The following BRDT variants were observed in gnomAD, a reference collection of about 807,000 sequenced individuals.
BRDT encodes the protein bromodomain testis-specific protein.
A neutral mutation model predicts 113.9 loss-of-function variants in BRDT; 77 were observed. The ratio of observed to expected loss-of-function variants is 0.68; its 90% confidence interval spans 0.56 to 0.82. The LOEUF (loss-of-function observed/expected upper bound fraction) is 0.82. Ranked by LOEUF, BRDT falls within the 40% of genes least tolerant of loss-of-function variation. The pLI is 0.00. For missense variants in BRDT, 1,027 were observed against 1,105.4 expected (o/e 0.93, Z 1.01); for synonymous variants, 358 against 366.5 (o/e 0.98, Z 0.26).
intron 1 of BRDT, among the ~76,000 whole-genome samples, chr1:91,956,313 C>G (rs1405438857): frequency 2.0e-5 from 3 of 151,624 alleles, no homozygotes; most frequent in African/African-American, 7.3e-5. Context: ...TCCTGCCCCC[C>G]CCCACCCCCT....
intron 7 of BRDT, among the ~76,000 whole-genome samples, chr1:91,978,504 T>G (rs189593147): frequency 1.7e-3 from 265 of 152,334 alleles, no homozygotes; most frequent in Non-Finnish European, 3.4e-3. Context: ...TTCGTTTTGT[T>G]TTTTTGAGTT....
intron 18 of BRDT, among the ~76,000 whole-genome samples, chr1:92,012,299 A>G (rs564879177): frequency 9.2e-5 from 11 of 120,116 alleles, no homozygotes; most frequent in East Asian, 5.0e-4. Flanking sequence ...CTCCATCTAG[A>G]AAAAAAAAAA....
At chr1:92,008,541 A>G (rs1293450744) in intron 18 of BRDT, among the ~76,000 whole-genome samples, 4 of 152,194 alleles carry the variant, frequency 2.6e-5, no homozygotes, top group Non-Finnish European at 5.9e-5. Context: ...AGTTTACATT[A>G]GGATTCATTC....
At chr1:91,993,284 G>T (rs1026167059) in intron 14 of BRDT, among the ~76,000 whole-genome samples, 2 of 152,180 alleles carry the variant, frequency 1.3e-5, no homozygotes, top group African/African-American at 4.8e-5. Flanking sequence ...TTAGACAAAG[G>T]AGAAAGACTG....
At chr1:91,978,368 G>A in intron 7 of BRDT, 72 bp downstream of exon 7, 1 of 1,547,596 alleles carries the variant, frequency 6.5e-7, no homozygotes, top group Non-Finnish European at 8.8e-7. Context: ...GAACCATAAT[G>A]TAAGAGATAA....
chr1:91,965,646 A>G (rs958208682), intron 3 of BRDT, among the ~76,000 whole-genome samples: 3 of 152,028 alleles, frequency 2.0e-5, no homozygotes, highest in African/African-American at 7.2e-5. Flanking sequence ...TTGAGAGATC[A>G]AGACCATCCT....
chr1:92,002,159 A>AT lies in BRDT; in HGVS notation c.2388+20dup, dbSNP rs769049388. On this transcript the variant is annotated intron_variant, in intron 16 of 18. Coordinates refer to ENST00000399546, the MANE Select transcript of BRDT (RefSeq NM_207189.4). Reference sequence around the variant, plus strand: ...AGCTCCTGTACAGAAGGTAAAAGTAATTTTTTTTTTCTAACAAATCTTGAA... The same window carrying AT: ...AGCTCCTGTACAGAAGGTAAAAGTAATTTTTTTTTTTCTAACAAATCTTGAA... The AT allele has an allele frequency of 2.4e-3, 3,651 of 1,505,568 alleles. No homozygotes were observed. Among genetic ancestry groups the AT allele is most frequent in the Non-Finnish European group, 2.7e-3 (2,983 of 1,098,210 alleles). 93.3% of individuals were successfully genotyped at this position (1,505,568 alleles called of 1,614,324 possible).
intron 3 of BRDT, among the ~76,000 whole-genome samples, chr1:91,967,677 C>T (rs916229654): frequency 4.6e-5 from 7 of 152,078 alleles, no homozygotes; most frequent in African/African-American, 4.8e-5. Flanking sequence ...GGATTGTAGG[C>T]GTGAGCCACC....
rs1279803907 is a variant in BRDT at position 91,976,989 on chromosome 1, A to G, written c.619-54A>G. The stretch of plus-strand genomic sequence containing the variant: ...TTTTTCTTTTAACTGATAAGGAACT[A>G]TGCTCTGAATATCATCTCAAATATA... On this transcript the variant is annotated intron_variant, in intron 5 of 18. Transcript: ENST00000399546. 8 of 1,373,656 alleles carry G rather than the reference A, an allele frequency of 5.8e-6. No homozygotes were observed. In the East Asian group the frequency reaches 1.2e-4, roughly 21 times the overall value. The allele number at this position is 1,373,656 out of a possible 1,614,324, so 85.1% of individuals were successfully genotyped here.
At chr1:91,955,449 A>G (rs1047578957) in intron 1 of BRDT, among the ~76,000 whole-genome samples, 1 of 152,186 alleles carries the variant, frequency 6.6e-6, no homozygotes, top group African/African-American at 2.4e-5. Flanking sequence ...GTGAGACTCC[A>G]TCTTAAAAAC....
intron 1 of BRDT, among the ~76,000 whole-genome samples, chr1:91,956,964 A>C (rs1345076322): frequency 6.6e-6 from 1 of 152,144 alleles, no homozygotes; most frequent in African/African-American, 2.4e-5. Flanking sequence ...AATAGAAATA[A>C]AATCTTGATT....
At chr1:92,010,340 C>A (rs1177085936) in intron 18 of BRDT, among the ~76,000 whole-genome samples, 2 of 139,468 alleles carry the variant, frequency 1.4e-5, no homozygotes. Flanking sequence ...GGCGTGATCT[C>A]GGCTCACTGC....
chr1:91,986,942 C>T (rs116286910), intron 12 of BRDT, among the ~76,000 whole-genome samples: 1,690 of 132,424 alleles, frequency 0.013, 25 homozygotes, highest in South Asian at 0.016. Context: ...TTTATAAATT[C>T]TTTTTTTTTT....
chr1:91,951,752 C>A (rs537880617), intron 1 of BRDT, among the ~76,000 whole-genome samples: 1 of 151,750 alleles, frequency 6.6e-6, no homozygotes, highest in African/African-American at 2.4e-5. Context: ...CCAGCCTGGG[C>A]GACAGAGTGA....
chr1:91,970,768 G>A (rs777497276), intron 4 of BRDT, among the ~76,000 whole-genome samples: 11 of 152,022 alleles, frequency 7.2e-5, no homozygotes, highest in Non-Finnish European at 1.5e-4. Flanking sequence ...ACTTTGCCAG[G>A]TATAGTGGCA....
At chr1:91,979,373 C>T (rs1274760833) in intron 7 of BRDT, among the ~76,000 whole-genome samples, 196 bp from the exon 8 acceptor site, 1 of 151,948 alleles carries the variant, frequency 6.6e-6, no homozygotes, top group Non-Finnish European at 1.5e-5. Context: ...CTCGGCCTCC[C>T]TAAGTGCTAA....
At chr1:91,983,964 C>T (rs1684967055) in intron 12 of BRDT, among the ~76,000 whole-genome samples, 1 of 152,134 alleles carries the variant, frequency 6.6e-6, no homozygotes. Flanking sequence ...GCCACTGTGC[C>T]CAGCCTGAAG....
intron 5 of BRDT, among the ~76,000 whole-genome samples, chr1:91,976,809 G>T (rs1445644853): frequency 6.6e-6 from 1 of 152,042 alleles, no homozygotes; most frequent in African/African-American, 2.4e-5. Context: ...CTTAAGGTTT[G>T]CACAAGACAT....
chr1:91,963,476 A>T (rs992589598), intron 2 of BRDT, among the ~76,000 whole-genome samples: 1 of 152,206 alleles, frequency 6.6e-6, no homozygotes, highest in African/African-American at 2.4e-5. Context: ...TTCTTATTAT[A>T]GTATATGTCA....
Sources: allele counts gnomAD v4.1 joint callset (sites outside exome capture counted in the v4.1 genomes callset), GRCh38; gene constraint gnomAD v4.1.1; transcripts MANE v1.5; gene names NCBI Gene and HGNC (gene_info 2026-07-23, HGNC 2026-07-21).